DHRSX: variants seen among roughly 807,000 people sequenced by gnomAD.
DHRSX encodes polyprenol dehydrogenase.
A neutral mutation model predicts 34.0 loss-of-function variants in DHRSX; 31 were observed. The observed-to-expected ratio is 0.91, with a 90% confidence interval of 0.69 to 1.23. The LOEUF is 1.23. DHRSX is among the 50% of genes most tolerant of loss of function. The pLI, the probability that DHRSX is intolerant of heterozygous loss-of-function variation, is 0.00. For missense variants in DHRSX, 414 were observed against 428.1 expected (o/e 0.97, Z 0.29); for synonymous variants, 201 against 183.8 (o/e 1.09, Z -0.76).
chrX:2,226,430 T>A (rs1263091346), intron 6 of DHRSX, among the ~76,000 whole-genome samples: 1 of 152,086 alleles, frequency 6.6e-6, no homozygotes, highest in East Asian at 1.9e-4. Context: ...CACCAAGGGT[T>A]CCTGCCAGCA....
intron 4 of DHRSX, among the ~76,000 whole-genome samples, chrX:2,285,719 G>A (rs1250463850): frequency 6.6e-6 from 1 of 152,146 alleles, no homozygotes. Context: ...CTTCCCTGAG[G>A]CTGCCTATAA....
intron 2 of DHRSX, among the ~76,000 whole-genome samples, chrX:2,415,096 T>C (rs955280436): frequency 4.6e-5 from 7 of 151,422 alleles, no homozygotes; most frequent in Non-Finnish European, 1.0e-4. Flanking sequence ...CATAACCTAA[T>C]ACAACTAGAT....
chrX:2,323,845 C>T (rs1489098374), intron 3 of DHRSX, among the ~76,000 whole-genome samples: 1 of 151,762 alleles, frequency 6.6e-6, no homozygotes, highest in African/African-American at 2.4e-5. Context: ...AAAATAGGGG[C>T]TTCCGGTTTC....
intron 3 of DHRSX, among the ~76,000 whole-genome samples, chrX:2,336,854 TAGA>T (rs2042573598): frequency 6.6e-6 from 1 of 151,836 alleles, no homozygotes; most frequent in Non-Finnish European, 1.5e-5. Flanking sequence ...TAGATATAGA[TAGA>T]TAGATTTATT....
intron 1 of DHRSX, among the ~76,000 whole-genome samples, chrX:2,436,022 G>A (rs945588343): frequency 5.2e-4 from 79 of 151,880 alleles, no homozygotes; most frequent in Admixed American, 1.4e-3. Context: ...GTGAAACCCC[G>A]TCTGTACTAA....
At chrX:2,274,753 A>G (rs2041602442) in intron 4 of DHRSX, among the ~76,000 whole-genome samples, 1 of 152,024 alleles carries the variant, frequency 6.6e-6, no homozygotes, top group African/African-American at 2.4e-5. Flanking sequence ...TTTAAACCAC[A>G]GTGTCACGGA....
intron 1 of DHRSX, among the ~76,000 whole-genome samples, chrX:2,497,042 T>C (rs1283004735): frequency 6.6e-6 from 1 of 152,148 alleles, no homozygotes; most frequent in Non-Finnish European, 1.5e-5. Flanking sequence ...TTGACTGTTA[T>C]AATCCACAAA....
At position 2,404,040 on chromosome X, in the gene DHRSX, A is replaced by G. The variant is rs184210839; in HGVS notation, c.286+4705T>C. Among the ~76,000 whole-genome samples, 524 of 152,280 alleles carry G rather than the reference A, an allele frequency of 3.4e-3. 2 individuals carry two copies. The highest frequency in any genetic ancestry group is 0.012 in the African/African-American group (498 of 41,560). ...TAGTTTTTAAGCCGTTCAGATTAAA[A>G]GCAAAAAGTCATGAGAAAAGAATGC... On this transcript the variant is annotated intron_variant, in intron 3 of 6. Coordinates refer to ENST00000334651, the MANE Select transcript of DHRSX (RefSeq NM_145177.3).
At chrX:2,225,434 A>T (rs2015635467) in intron 6 of DHRSX, among the ~76,000 whole-genome samples, 1 of 152,192 alleles carries the variant, frequency 6.6e-6, no homozygotes, top group Non-Finnish European at 1.5e-5. Context: ...TCACATGCAT[A>T]CTTATACACA....
At chrX:2,436,180 G>C (rs958086990) in intron 1 of DHRSX, among the ~76,000 whole-genome samples, 1 of 151,994 alleles carries the variant, frequency 6.6e-6, no homozygotes, top group Non-Finnish European at 1.5e-5. Flanking sequence ...GTGACAGAGG[G>C]AGACTCCATC....
intron 1 of DHRSX, chrX:2,489,367 G>A (rs1476618104): frequency 6.2e-6 from 10 of 1,613,830 alleles, no homozygotes; most frequent in East Asian, 2.2e-5. Flanking sequence ...GCTCCTTGGC[G>A]ATGACCTCCT....
At chrX:2,276,786 GA>G (rs1428965678) in intron 4 of DHRSX, among the ~76,000 whole-genome samples, 20 of 147,736 alleles carry the variant, frequency 1.4e-4, no homozygotes, top group South Asian at 2.2e-4. Context: ...GAGAGAAGGA[GA>G]GGGAGGAAAT....
intron 3 of DHRSX, among the ~76,000 whole-genome samples, chrX:2,333,856 T>A (rs1181323636): frequency 1.3e-5 from 2 of 152,200 alleles, no homozygotes; most frequent in Non-Finnish European, 2.9e-5. Flanking sequence ...TTTGCTTTTA[T>A]GTTCTTGTAT....
chrX:2,382,657 C>CCATCATCACCAT (rs2043219661), intron 3 of DHRSX, among the ~76,000 whole-genome samples: 2 of 51,838 alleles, frequency 3.9e-5, no homozygotes, highest in South Asian at 1.3e-3. Context: ...ATCATCACCA[C>CCATCATCACCAT]CATCATCACC....
chrX:2,354,209 C>T (rs1019589015), intron 3 of DHRSX, among the ~76,000 whole-genome samples: 2 of 152,170 alleles, frequency 1.3e-5, no homozygotes, highest in African/African-American at 4.8e-5. Context: ...AGACGTAGCA[C>T]AACAATAATG....
intron 4 of DHRSX, among the ~76,000 whole-genome samples, chrX:2,274,760 C>T (rs1237040544): frequency 6.6e-6 from 1 of 151,998 alleles, no homozygotes; most frequent in Non-Finnish European, 1.5e-5. Flanking sequence ...CACAGTGTCA[C>T]GGAGACGTTT....
chrX:2,447,283 C>G (rs1430217175), intron 1 of DHRSX, among the ~76,000 whole-genome samples: 3 of 152,020 alleles, frequency 2.0e-5, no homozygotes, highest in Admixed American at 6.6e-5. Flanking sequence ...AAGGGACTGC[C>G]ACCGTGTACA....
At chrX:2,485,398 G>A (rs2044863707) in intron 1 of DHRSX, among the ~76,000 whole-genome samples, 1 of 151,486 alleles carries the variant, frequency 6.6e-6, no homozygotes, top group South Asian at 2.1e-4. Flanking sequence ...AACAGCACTT[G>A]GAAAGGGCAA....
At chrX:2,490,743 G>A (rs1569346909) in intron 1 of DHRSX, 2 of 1,599,488 alleles carry the variant, frequency 1.3e-6, no homozygotes, top group Non-Finnish European at 1.7e-6. Flanking sequence ...GAGCCTGCCT[G>A]CTGGACGGCT....
Sources: allele counts gnomAD v4.1 joint callset (sites outside exome capture counted in the v4.1 genomes callset), GRCh38; gene constraint gnomAD v4.1.1; transcripts MANE v1.5; gene names NCBI Gene and HGNC (gene_info 2026-07-23, HGNC 2026-07-21).